The following RANBP2 variants were observed in gnomAD, a reference collection of about 807,000 sequenced individuals.
RANBP2 encodes the protein E3 SUMO-protein ligase RanBP2.
RANBP2 carries 57 observed loss-of-function variants against 303.6 expected under a neutral mutation model. The ratio of observed to expected loss-of-function variants is 0.19; its 90% CI spans 0.15 to 0.23. The LOEUF (loss-of-function observed/expected upper bound fraction) is 0.23, where lower values mean the gene tolerates loss of function less well. RANBP2 is among the 10% of genes least tolerant of loss of function. RANBP2 has a pLI of 1.00. For missense variants in RANBP2, 3,138 were observed against 3,780.8 expected, an observed-to-expected ratio of 0.83 and a Z score of 4.46; for synonymous variants, 1,167 against 1,301.5, an observed-to-expected ratio of 0.90 and a Z score of 2.23.
the RANBP2 span, among the ~76,000 whole-genome samples, chr2:109,482,821 C>T: frequency 6.6e-6 from 1 of 152,188 alleles, no homozygotes; most frequent in Non-Finnish European, 1.5e-5. Context: ...ACGTCTTCCA[C>T]CAAAAACAAG....
At chr2:109,373,664 A>G in the RANBP2 span, among the ~76,000 whole-genome samples, 3 of 152,152 alleles carry the variant, frequency 2.0e-5, no homozygotes, top group Non-Finnish European at 4.4e-5. Flanking sequence ...GGAAGAGGTA[A>G]GGAGGTTCTG....
At chr2:109,079,233 T>G in the RANBP2 span, among the ~76,000 whole-genome samples, 1 of 152,162 alleles carries the variant, frequency 6.6e-6, no homozygotes, top group Non-Finnish European at 1.5e-5. Flanking sequence ...ACTTAATGAA[T>G]AGTAAATACG....
chr2:109,457,102 C>A, the RANBP2 span, among the ~76,000 whole-genome samples: 1 of 152,296 alleles, frequency 6.6e-6, no homozygotes, highest in Non-Finnish European at 1.5e-5. Flanking sequence ...GTTTCCACAT[C>A]TGTGAAATGG....
the RANBP2 span, among the ~76,000 whole-genome samples, chr2:108,842,246 C>A: frequency 6.6e-6 from 1 of 151,654 alleles, no homozygotes; most frequent in African/African-American, 2.4e-5. Flanking sequence ...GCTTTGTTGC[C>A]CAGGCTGGTC....
chr2:109,501,656 C>T, the RANBP2 span: 17 of 769,560 alleles, frequency 2.2e-5, 1 homozygote, highest in South Asian at 1.4e-4. Flanking sequence ...CGGGCAGCTT[C>T]GTCGAGAGCT....
At chr2:109,417,406 G>C in the RANBP2 span, among the ~76,000 whole-genome samples, 2 of 152,176 alleles carry the variant, frequency 1.3e-5, no homozygotes, top group African/African-American at 4.8e-5. Context: ...GGAGAGGGCA[G>C]GTGTCCCGGG....
At chr2:109,398,146 TCTC>T in the RANBP2 span, among the ~76,000 whole-genome samples, 4 of 152,164 alleles carry the variant, frequency 2.6e-5, no homozygotes, top group African/African-American at 4.8e-5. Flanking sequence ...TGCTTTGAAA[TCTC>T]CTCCGGGGAC....
intron 1 of RANBP2, among the ~76,000 whole-genome samples, chr2:108,725,610 A>G (rs1033464268): frequency 3.3e-5 from 5 of 152,034 alleles, no homozygotes; most frequent in Non-Finnish European, 7.4e-5. Context: ...AAATACAAAA[A>G]TTAGCTGGGC....
chr2:108,995,708 A>G, the RANBP2 span, among the ~76,000 whole-genome samples: 1 of 152,356 alleles, frequency 6.6e-6, no homozygotes, highest in East Asian at 1.9e-4. Context: ...AATGAGCCAC[A>G]GCAGGTGTCA....
chr2:109,621,633 G>T, the RANBP2 span, among the ~76,000 whole-genome samples: 1 of 152,026 alleles, frequency 6.6e-6, no homozygotes, highest in South Asian at 2.1e-4. Flanking sequence ...GGCAATGATG[G>T]CCAGGTGCGG....
the RANBP2 span, among the ~76,000 whole-genome samples, chr2:109,584,686 C>T: frequency 6.6e-6 from 1 of 151,964 alleles, no homozygotes; most frequent in African/African-American, 2.4e-5. Context: ...TCAAAACTTT[C>T]CTGCAATGAT....
At position 108,753,913 on chromosome 2, in the gene RANBP2, G is replaced by C; in HGVS notation, c.2144G>C (p.Arg715Thr). The C allele has an allele frequency of 6.2e-7, 1 of 1,611,982 alleles. No homozygotes were observed. ...EECKNYLRKT[R>T]DYLIKIIDDS... ...TGCAAAAATTATCTGAGAAAGACCA[G>C]GGACTACCTAATAAAGATTATAGAT... The change falls in exon 15 of 29, where the codon AGG becomes ACG. Residue 715 changes from arginine (R) to threonine (T), a missense_variant. Physicochemically the swap from Arg to Thr is moderately conservative, Grantham distance 71. Coordinates refer to ENST00000283195, the MANE Select transcript of RANBP2 (RefSeq NM_006267.5).
the RANBP2 span, among the ~76,000 whole-genome samples, chr2:109,405,949 A>C: frequency 6.6e-6 from 1 of 152,210 alleles, no homozygotes; most frequent in Non-Finnish European, 1.5e-5. Context: ...CTTGTACATA[A>C]AGCAGCATGG....
chr2:108,927,770 A>G, the RANBP2 span, among the ~76,000 whole-genome samples: 3 of 151,882 alleles, frequency 2.0e-5, no homozygotes, highest in Non-Finnish European at 4.4e-5. Context: ...AGTCCCCTCA[A>G]ATTCCACACA....
At chr2:108,846,736 A>G in the RANBP2 span, 1 of 1,597,372 alleles carries the variant, frequency 6.3e-7, no homozygotes, top group Non-Finnish European at 8.5e-7. Flanking sequence ...TATTTTTAAC[A>G]GCACTCGACT....
At chr2:109,649,828 C>G in the RANBP2 span, among the ~76,000 whole-genome samples, 1 of 152,172 alleles carries the variant, frequency 6.6e-6, no homozygotes, top group Admixed American at 6.5e-5. Context: ...TTCTAGAACA[C>G]AAATTTTCTT....
the RANBP2 span, among the ~76,000 whole-genome samples, chr2:108,813,181 G>A: frequency 2.7e-5 from 4 of 147,440 alleles, no homozygotes; most frequent in African/African-American, 5.1e-5. Flanking sequence ...CCTGGGAGGC[G>A]GAGGTTGCAG....
chr2:109,345,693 TA>T, the RANBP2 span, among the ~76,000 whole-genome samples: 2 of 152,332 alleles, frequency 1.3e-5, no homozygotes, highest in East Asian at 3.9e-4. Flanking sequence ...CTCATGAAAA[TA>T]AATGTTATAT....
At chr2:109,411,328 TC>T in the RANBP2 span, among the ~76,000 whole-genome samples, 1 of 152,222 alleles carries the variant, frequency 6.6e-6, no homozygotes, top group East Asian at 1.9e-4. Context: ...GAGGCCCCTT[TC>T]CCTGCAGTTA....
Sources: allele counts gnomAD v4.1 joint callset (sites outside exome capture counted in the v4.1 genomes callset), GRCh38; gene constraint gnomAD v4.1.1; transcripts MANE v1.5; gene names NCBI Gene and HGNC (gene_info 2026-07-23, HGNC 2026-07-21).